The following PTGER3 variants were observed in gnomAD, a reference collection of about 807,000 sequenced individuals.
PTGER3 encodes the protein prostaglandin E receptor 3, also known as prostaglandin E2 receptor EP3 subtype.
A neutral mutation model predicts 34.7 loss-of-function variants in PTGER3; 22 were observed. The observed-to-expected ratio is 0.63, with a 90% CI of 0.45 to 0.91. The LOEUF is 0.91. Among genes scored for constraint, PTGER3 ranks in the 40% least tolerant of loss-of-function variants. The probability of loss-of-function intolerance (pLI) is 0.00; values close to 1 mark genes in which losing one functional copy is unlikely to be tolerated. For missense variants in PTGER3, 468 were observed against 519.4 expected (o/e 0.90, Z 0.96); for synonymous variants, 241 against 230.1 (o/e 1.05, Z -0.43).
At chr1:70,964,819 T>C (rs116256509) in intron 2 of PTGER3, among the ~76,000 whole-genome samples, 1 of 152,224 alleles carries the variant, frequency 6.6e-6, no homozygotes, top group Non-Finnish European at 1.5e-5. Context: ...TTGTTGCATA[T>C]CTTCTTTCCG....
At chr1:70,996,523 G>A (rs1261847346) in intron 2 of PTGER3, among the ~76,000 whole-genome samples, 1 of 151,942 alleles carries the variant, frequency 6.6e-6, no homozygotes, top group Non-Finnish European at 1.5e-5. Context: ...CTGAAGTGCA[G>A]TGGCGCGGCT....
At chr1:71,009,952 A>G in intron 2 of PTGER3, 1 of 985,222 alleles carries the variant, frequency 1.0e-6, no homozygotes, top group Non-Finnish European at 1.2e-6. Context: ...ATTTCTTATC[A>G]GGTTTCCCCA....
At chr1:70,866,731 G>A (rs1330911342) in intron 4 of PTGER3, among the ~76,000 whole-genome samples, 2 of 152,160 alleles carry the variant, frequency 1.3e-5, no homozygotes, top group Non-Finnish European at 2.9e-5. Flanking sequence ...GGCACTGGCG[G>A]CTCTATCAGG....
At chr1:70,953,747 T>A (rs1376062975) in intron 3 of PTGER3, 1 of 1,530,510 alleles carries the variant, frequency 6.5e-7, no homozygotes, top group Non-Finnish European at 8.8e-7. Context: ...GTTTTAATAC[T>A]ATCTTTGCAA....
chr1:70,971,806 T>TGAGG, intron 3 of PTGER3, 73 bp from the exon 4 acceptor site: 1 of 999,754 alleles, frequency 1.0e-6, no homozygotes, highest in Non-Finnish European at 1.5e-6. Context: ...GTGTATGGTG[T>TGAGG]GAGGAGTAAA....
At chr1:71,018,813 A>C (rs756723271) in intron 1 of PTGER3, among the ~76,000 whole-genome samples, 2 of 152,178 alleles carry the variant, frequency 1.3e-5, no homozygotes, top group African/African-American at 2.4e-5. Context: ...TATAGGTTTC[A>C]TATGCCTTAC....
intron 4 of PTGER3, among the ~76,000 whole-genome samples, chr1:70,906,287 T>C (rs1444702716): frequency 1.3e-5 from 2 of 152,126 alleles, no homozygotes; most frequent in African/African-American, 2.4e-5. Context: ...GTAAGGACAA[T>C]GCAAAATGTG....
intron 4 of PTGER3, among the ~76,000 whole-genome samples, chr1:70,892,699 G>A (rs1022467815): frequency 6.6e-6 from 1 of 151,878 alleles, no homozygotes; most frequent in African/African-American, 2.4e-5. Flanking sequence ...AAATTAGCTG[G>A]GTGTGGTGGG....
chr1:70,957,100 G>A lies in PTGER3; in HGVS notation c.1078-3311C>T, dbSNP rs191091787. Among the ~76,000 whole-genome samples the A allele has an allele frequency of 2.1e-3, 316 of 152,318 alleles. 4 individuals are homozygous for A. Among genetic ancestry groups the A allele is most frequent in the African/African-American group, 7.2e-3 (298 of 41,562 alleles). ...AAAATCCCCAAATAAGAAAGTCTGA[G>A]TCAAGAAGGCAACAGTGAGACAACT... On this transcript the variant is annotated intron_variant, in intron 2 of 3. Coordinates refer to the PTGER3 transcript ENST00000356595.
intron 4 of PTGER3, among the ~76,000 whole-genome samples, chr1:70,885,471 T>C (rs1290939140): frequency 6.6e-6 from 1 of 152,206 alleles, no homozygotes; most frequent in East Asian, 1.9e-4. Flanking sequence ...AAACAAGATA[T>C]AGATGCAAAA....
At chr1:71,012,106 T>C in intron 2 of PTGER3, 199 bp downstream of exon 2, 1 of 1,502,630 alleles carries the variant, frequency 6.7e-7, no homozygotes. Context: ...ATACCAAAAA[T>C]TCCACTTCAA....
At chr1:70,856,189 G>C (rs1645798838) in intron 4 of PTGER3, among the ~76,000 whole-genome samples, 1 of 151,964 alleles carries the variant, frequency 6.6e-6, no homozygotes, top group Non-Finnish European at 1.5e-5. Context: ...TTTTATTTAG[G>C]AACTGTTAAC....
chr1:70,962,034 A>G (rs1651981007), intron 2 of PTGER3, among the ~76,000 whole-genome samples: 1 of 152,168 alleles, frequency 6.6e-6, no homozygotes, highest in Non-Finnish European at 1.5e-5. Context: ...GTTTAGCTCT[A>G]ATTTTTGCAG....
At chr1:70,888,460 T>C (rs549496377) in intron 4 of PTGER3, among the ~76,000 whole-genome samples, 1 of 152,208 alleles carries the variant, frequency 6.6e-6, no homozygotes, top group Non-Finnish European at 1.5e-5. Flanking sequence ...ATTACTACAT[T>C]CAAGCAAATT....
At chr1:70,915,115 T>G (rs780269874) in intron 4 of PTGER3, among the ~76,000 whole-genome samples, 6 of 151,890 alleles carry the variant, frequency 4.0e-5, no homozygotes, top group Non-Finnish European at 8.8e-5. Flanking sequence ...ATGAGGAGCA[T>G]TTACATAAAA....
At chr1:71,029,401 T>C (rs193115919) in intron 1 of PTGER3, among the ~76,000 whole-genome samples, 1 of 152,210 alleles carries the variant, frequency 6.6e-6, no homozygotes, top group Non-Finnish European at 1.5e-5. Flanking sequence ...AGAAAGTTAC[T>C]TTACATCTCA....
intron 4 of PTGER3, among the ~76,000 whole-genome samples, chr1:70,867,853 A>C (rs1646076200): frequency 6.6e-6 from 1 of 152,158 alleles, no homozygotes; most frequent in African/African-American, 2.4e-5. Flanking sequence ...CAGGTACATT[A>C]TTTACAGATT....
chr1:71,000,866 C>G (rs1656408414), intron 2 of PTGER3, among the ~76,000 whole-genome samples: 1 of 151,964 alleles, frequency 6.6e-6, no homozygotes, highest in South Asian at 2.1e-4. Flanking sequence ...CATGAAAATG[C>G]AAACATTGAA....
chr1:70,935,590 TAAC>T (rs1490622708), intron 4 of PTGER3, among the ~76,000 whole-genome samples: 1 of 151,342 alleles, frequency 6.6e-6, no homozygotes, highest in African/African-American at 2.4e-5. Context: ...TGCTTTTACT[TAAC>T]AAATATTTTA....
Sources: allele counts gnomAD v4.1 joint callset (sites outside exome capture counted in the v4.1 genomes callset), GRCh38; gene constraint gnomAD v4.1.1; transcripts MANE v1.5; gene names NCBI Gene and HGNC (gene_info 2026-07-23, HGNC 2026-07-21).